PIK3AP1: variants seen among roughly 807,000 people sequenced by gnomAD.
PIK3AP1 encodes phosphoinositide 3-kinase adapter protein 1.
Under a neutral mutation model 88.1 loss-of-function variants are expected in PIK3AP1, and 21 were observed. The ratio of observed to expected loss-of-function variants is 0.24; its 90% CI spans 0.17 to 0.34. PIK3AP1 has a LOEUF of 0.34. PIK3AP1 is among the 10% of genes least tolerant of loss of function. PIK3AP1 has a pLI of 1.00. For missense variants in PIK3AP1, 828 were observed against 1,035.7 expected (o/e 0.80, Z 2.75); for synonymous variants, 398 against 400.0 (o/e 1.00, Z 0.06).
At chr10:96,658,245 A>C (rs980960584) in intron 2 of PIK3AP1, among the ~76,000 whole-genome samples, 6 of 152,180 alleles carry the variant, frequency 3.9e-5, no homozygotes, top group African/African-American at 1.4e-4. Context: ...ATCATCTAAA[A>C]GGACAGGAGA....
intron 10 of PIK3AP1, among the ~76,000 whole-genome samples, chr10:96,624,122 A>G (rs1843123527): frequency 1.3e-5 from 2 of 152,208 alleles, no homozygotes; most frequent in Admixed American, 1.3e-4. Context: ...TGTGAACCAT[A>G]TGATCTTGGA....
intron 2 of PIK3AP1, among the ~76,000 whole-genome samples, chr10:96,699,855 C>G (rs1024177695): frequency 6.6e-6 from 1 of 152,324 alleles, no homozygotes; most frequent in African/African-American, 2.4e-5. Flanking sequence ...TATAGGGAAG[C>G]TGCACAGGCC....
intron 10 of PIK3AP1, among the ~76,000 whole-genome samples, chr10:96,625,949 T>C (rs1448904537): frequency 6.6e-6 from 1 of 152,144 alleles, no homozygotes; most frequent in Non-Finnish European, 1.5e-5. Context: ...AGTTTTGCCA[T>C]GCTGCTCAGG....
intron 2 of PIK3AP1, among the ~76,000 whole-genome samples, chr10:96,690,809 A>G (rs868110229): frequency 1.3e-5 from 2 of 152,194 alleles, no homozygotes; most frequent in Non-Finnish European, 2.9e-5. Context: ...GCCTAGAGTA[A>G]GGCACCTGAT....
chr10:96,674,756 A>G (rs542698272), intron 2 of PIK3AP1, among the ~76,000 whole-genome samples: 32 of 152,382 alleles, frequency 2.1e-4, no homozygotes, highest in African/African-American at 7.0e-4. Context: ...CTGGAGAGAA[A>G]CAGGAAACTG....
intron 8 of PIK3AP1, among the ~76,000 whole-genome samples, chr10:96,630,805 G>A (rs1381353515): frequency 2.6e-5 from 4 of 151,978 alleles, no homozygotes; most frequent in South Asian, 4.1e-4. Flanking sequence ...TCACGCCACC[G>A]CACTGCAGCC....
chr10:96,646,956 T>TA (rs759268349), intron 7 of PIK3AP1, among the ~76,000 whole-genome samples: 8 of 152,216 alleles, frequency 5.3e-5, no homozygotes, highest in Non-Finnish European at 1.0e-4. Flanking sequence ...GACACTTCGT[T>TA]AGTTTCCTCA....
intron 1 of PIK3AP1, among the ~76,000 whole-genome samples, chr10:96,711,121 C>T (rs944140255): frequency 3.9e-5 from 6 of 152,142 alleles, no homozygotes; most frequent in African/African-American, 1.4e-4. Flanking sequence ...GCCCAAACTC[C>T]TCATTTACAG....
At chr10:96,636,669 C>A (rs766495895) in intron 8 of PIK3AP1, among the ~76,000 whole-genome samples, 78 of 152,144 alleles carry the variant, frequency 5.1e-4, no homozygotes, top group Non-Finnish European at 9.8e-4. Context: ...TGAAACCTGC[C>A]GGTCTGAGGA....
At chr10:96,706,013 C>A (rs904215469) in intron 2 of PIK3AP1, among the ~76,000 whole-genome samples, 4 of 151,058 alleles carry the variant, frequency 2.6e-5, no homozygotes, top group African/African-American at 7.3e-5. Context: ...CCTGCCTCAG[C>A]CTCCCGAGTA....
chr10:96,620,338 A>G lies in PIK3AP1; in HGVS notation c.1941+14T>C. The stretch of plus-strand genomic sequence containing the variant: ...GAAATAGACATGAAACAAATTCCAT[A>G]CGAAGCTAGTTACCTGCTGGAAACG... On this transcript the variant is annotated intron_variant, in intron 12 of 16. Coordinates refer to ENST00000339364, the MANE Select transcript of PIK3AP1 (RefSeq NM_152309.3). 2.5e-6 allele frequency: 4 copies of G among 1,613,032 alleles called. No homozygotes were observed. The highest frequency in any genetic ancestry group is 3.4e-6 in the Non-Finnish European group (4 of 1,179,148).
intron 8 of PIK3AP1, among the ~76,000 whole-genome samples, chr10:96,643,044 C>T (rs574513282): frequency 2.7e-4 from 41 of 152,192 alleles, no homozygotes; most frequent in Admixed American, 1.1e-3. Flanking sequence ...GGACTGGGTC[C>T]TACCCACTTC....
At chr10:96,648,965 G>A in intron 6 of PIK3AP1, 110 bp from the exon 7 acceptor site, 1 of 857,390 alleles carries the variant, frequency 1.2e-6, no homozygotes, top group Non-Finnish European at 1.7e-6. Context: ...AAAGCACTCA[G>A]CCATTACTTA....
intron 8 of PIK3AP1, among the ~76,000 whole-genome samples, chr10:96,635,566 G>C (rs1843301057): frequency 6.6e-6 from 1 of 152,066 alleles, no homozygotes; most frequent in Non-Finnish European, 1.5e-5. Context: ...CATTCTTTCT[G>C]TCCTTTTCAA....
intron 2 of PIK3AP1, among the ~76,000 whole-genome samples, chr10:96,709,131 C>CAA (rs113424134): frequency 0.029 from 2,262 of 78,796 alleles, 55 homozygotes; most frequent in African/African-American, 0.036. Context: ...GACTCCGACT[C>CAA]AAAAAAAAAA....
At chr10:96,682,605 T>A (rs1162134349) in intron 2 of PIK3AP1, among the ~76,000 whole-genome samples, 1 of 152,240 alleles carries the variant, frequency 6.6e-6, no homozygotes, top group Non-Finnish European at 1.5e-5. Context: ...GACTGATACC[T>A]GGGTGTGGAG....
At chr10:96,653,975 C>T (rs1357800274) in intron 3 of PIK3AP1, among the ~76,000 whole-genome samples, 1 of 152,196 alleles carries the variant, frequency 6.6e-6, no homozygotes, top group African/African-American at 2.4e-5. Context: ...TCAGCATCCC[C>T]CAGAAGCTTG....
chr10:96,643,202 A>C (rs1210665829), intron 8 of PIK3AP1, among the ~76,000 whole-genome samples: 1 of 152,242 alleles, frequency 6.6e-6, no homozygotes, highest in Non-Finnish European at 1.5e-5. Flanking sequence ...GGAGCTGCAG[A>C]TAGGGGAAGA....
At chr10:96,598,041 G>GTT (rs1330924017) in intron 16 of PIK3AP1, among the ~76,000 whole-genome samples, 5 of 107,422 alleles carry the variant, frequency 4.7e-5, no homozygotes, top group African/African-American at 1.7e-4. Flanking sequence ...TTGTTTTTTT[G>GTT]TTGTTTTTTT....
Sources: gnomAD v4.1 joint callset for allele counts (sites outside exome capture counted in the v4.1 genomes callset) on GRCh38, gnomAD v4.1.1 for gene constraint, MANE v1.5 for transcripts, NCBI Gene and HGNC (gene_info 2026-07-23, HGNC 2026-07-21) for gene names.